Variants in ITIH6 observed in about 807,000 individuals in gnomAD.
ITIH6 encodes inter-alpha-trypsin inhibitor heavy chain family member 6.
ITIH6 carries 60 observed loss-of-function variants against 58.2 expected under a neutral mutation model. That is an observed-to-expected ratio of 1.03 (90% CI 0.84 to 1.28). ITIH6 has a LOEUF of 1.28. Among genes scored for constraint, ITIH6 ranks in the 50% most tolerant of loss-of-function variants. The pLI is 0.00. For synonymous variants in ITIH6, 493 were observed against 417.4 expected, an observed-to-expected ratio of 1.18 and a Z score of -2.21; for missense variants, 1,290 against 1,021.1, an observed-to-expected ratio of 1.26 and a Z score of -3.59.
chrX:54,796,828 G>A (rs1929451285), intron 2 of ITIH6, 114 bp downstream of exon 2: 12 of 748,914 alleles, frequency 1.6e-5, no homozygotes, highest in Non-Finnish European at 2.3e-5. Context: ...GACTCAAGAA[G>A]TCTGATCTCA....
chrX:54,753,665 T>A lies in ITIH6; in HGVS notation c.3338A>T (p.Glu1113Val). Reference sequence around the variant, plus strand: ...GGGGCTCTTACCTGCCTTTGGGTCCTCTATGAGCTGCAGCAAGTCCCCAGG... The same window carrying A: ...GGGGCTCTTACCTGCCTTTGGGTCCACTATGAGCTGCAGCAAGTCCCCAGG... ...GHPGDLLQLI[E>V]DPKAGLHVSG... The change falls in exon 11 of 13, where the codon GAG becomes GTG. Residue 1113 changes from glutamate to valine, a missense_variant. By Grantham distance (121) the Glu-to-Val change is moderately radical (BLOSUM62 -2). Transcript: ENST00000218436. 8.3e-7 allele frequency: 1 copy of A among 1,207,953 alleles called. No homozygotes were observed. Among genetic ancestry groups the A allele is most frequent in the Non-Finnish European group, 1.1e-6 (1 of 892,121 alleles).
chrX:54,772,765 T>C (rs1928977832), intron 6 of ITIH6, among the ~76,000 whole-genome samples: 1 of 112,045 alleles, frequency 8.9e-6, no homozygotes, highest in Non-Finnish European at 1.9e-5. Context: ...GTTTTAGTTG[T>C]CAGAGGCTAA....
chrX:54,774,920 G>T (rs1396321203), intron 5 of ITIH6, among the ~76,000 whole-genome samples: 2 of 111,758 alleles, frequency 1.8e-5, no homozygotes, highest in Non-Finnish European at 3.8e-5. Context: ...GGATGTCTGT[G>T]CTGGCTGAGG....
rs1928566671 is a variant in ITIH6, at chrX:54,758,669, TCTC to T, written c.1402_1404del (p.Glu468del). ...ACATCTGCCAGCAGAGGCATGGAGA[TCTC>T]CTCATAGAGGCCCTTCAGCTGTAGG... is the stretch of plus-strand genomic sequence containing the variant. On this transcript the variant is annotated inframe_deletion, in exon 8 of 13. Transcript: ENST00000218436. 2 of 1,209,167 alleles carry T rather than the reference TCTC, an allele frequency of 1.7e-6. No homozygotes were observed. The highest frequency in any genetic ancestry group is 4.4e-5 in the Admixed American group (2 of 45,746).
At chrX:54,781,782 T>C (rs1244215569) in intron 5 of ITIH6, among the ~76,000 whole-genome samples, 1 of 112,434 alleles carries the variant, frequency 8.9e-6, no homozygotes, top group Non-Finnish European at 1.9e-5. Context: ...CACATGCACA[T>C]GTATGTCCAT....
chrX:54,753,791 A>G, intron 10 of ITIH6, 27 bp from the exon 11 acceptor site: 1 of 1,149,272 alleles, frequency 8.7e-7, no homozygotes, highest in Non-Finnish European at 1.2e-6. Flanking sequence ...ACAACTCTAA[A>G]GTTAAAGGAA....
At chrX:54,754,580 C>G (rs1260712205) in intron 9 of ITIH6, among the ~76,000 whole-genome samples, 1 of 111,383 alleles carries the variant, frequency 9.0e-6, no homozygotes, top group Non-Finnish European at 1.9e-5. Context: ...GGAGGGGGAC[C>G]ACATGGCAAG....
intron 5 of ITIH6, among the ~76,000 whole-genome samples, chrX:54,785,070 A>G (rs1013325229): frequency 1.8e-5 from 2 of 111,429 alleles, no homozygotes; most frequent in Non-Finnish European, 3.8e-5. Flanking sequence ...GGAGATCATT[A>G]TGTGACTTGA....
intron 5 of ITIH6, among the ~76,000 whole-genome samples, chrX:54,783,584 A>G (rs12859585): frequency 0.3 from 32,872 of 110,989 alleles, 3,874 homozygotes; most frequent in East Asian, 0.52. Flanking sequence ...AACCCTATTT[A>G]TAATAGCCAC....
chrX:54,760,374 T>C (rs1055451671), intron 6 of ITIH6, among the ~76,000 whole-genome samples: 1 of 111,051 alleles, frequency 9.0e-6, no homozygotes, highest in Non-Finnish European at 1.9e-5. Flanking sequence ...AGAATTCATT[T>C]GCTATATGGT....
At chrX:54,756,889 T>C in intron 8 of ITIH6, 76 bp downstream of exon 8, 1 of 634,533 alleles carries the variant, frequency 1.6e-6, no homozygotes, top group Non-Finnish European at 2.3e-6. Flanking sequence ...TGCATAAGCC[T>C]TGTAGATTCC....
rs1466948362 is a variant in ITIH6 at position 54,751,041 on chromosome X, T to C, written c.3692A>G (p.Asn1231Ser). 6 of 1,182,608 alleles carry C rather than the reference T, an allele frequency of 5.1e-6. No individual in the cohort carries two copies. The African/African-American group carries it at 7.0e-5, about 14-fold the overall frequency. ...GGCTGAGGGGCTGAGGCCTGAGCCATTGGCCACGTAGAACCCCAGGTGGGG... is the reference window on the plus strand; with the variant it reads ...GGCTGAGGGGCTGAGGCCTGAGCCACTGGCCACGTAGAACCCCAGGTGGGG... ...QLPHLGFYVA[N>S]GSGLSPSARG... is the part of the protein sequence containing the mutation. The change falls in exon 12 of 13, where the codon AAT becomes AGT. Residue 1231 changes from asparagine (N) to serine (S), a missense_variant. By Grantham distance (46) the Asn-to-Ser change is conservative. Coordinates refer to ENST00000218436, the MANE Select transcript of ITIH6 (RefSeq NM_198510.3).
rs368934269 is a variant in ITIH6 at position 54,751,127 on chromosome X, C to T, written c.3606G>A (p.Gly1202=). The T allele has an allele frequency of 4.1e-6, 5 of 1,209,054 alleles. No homozygotes were observed. The highest frequency in any genetic ancestry group is 4.5e-6 in the Non-Finnish European group (4 of 894,212). Residue 1202 remains glycine (G), a synonymous_variant, in exon 12 of 13, where the codon GGG becomes GGA. Coordinates refer to ENST00000218436, the MANE Select transcript of ITIH6 (RefSeq NM_198510.3). ...GGAGGACTAGGAACTCAAGGTAGGG[C>T]CCAAGGCGGAGGGTAAGGCGGGCTG... ...AAAARLTLRL[G]PYLEFLVLRH... is the part of the protein sequence containing the mutation.
At chrX:54,784,901 T>C (rs1352912788) in intron 5 of ITIH6, among the ~76,000 whole-genome samples, 2 of 112,079 alleles carry the variant, frequency 1.8e-5, no homozygotes, top group East Asian at 5.6e-4. Context: ...CCCTTCTTTT[T>C]CTTACAGTGC....
chrX:54,795,277 TATTC>T (rs897758770), intron 2 of ITIH6, among the ~76,000 whole-genome samples: 12 of 112,452 alleles, frequency 1.1e-4, no homozygotes, highest in African/African-American at 3.9e-4. Context: ...GGAAAAATAA[TATTC>T]ATACTCTATT....
At chrX:54,756,828 G>C in intron 8 of ITIH6, 137 bp downstream of exon 8, 1 of 422,655 alleles carries the variant, frequency 2.4e-6, no homozygotes. Flanking sequence ...AAGCAAGCAA[G>C]CAAGCAAGCA....
intron 5 of ITIH6, among the ~76,000 whole-genome samples, chrX:54,781,625 C>A (rs1260606661): frequency 5.3e-5 from 6 of 112,659 alleles, no homozygotes; most frequent in Non-Finnish European, 1.1e-4. Flanking sequence ...TGCTTAAACA[C>A]TGTTGGTGAG....
At chrX:54,782,506 C>T (rs954264646) in intron 5 of ITIH6, among the ~76,000 whole-genome samples, 3 of 111,516 alleles carry the variant, frequency 2.7e-5, no homozygotes, top group African/African-American at 9.8e-5. Flanking sequence ...GTAAAACAAA[C>T]CCCCATGACC....
rs187829142 is a variant in ITIH6, at chrX:54,755,368, G to C, written c.3110-259C>G. ...GCATTGCTTAGGTATTAGGTATATG[G>C]TGGTGAAAAATAAAGACATAGTTTC... On this transcript the variant is annotated intron_variant, in intron 8 of 12. Transcript: ENST00000218436. Among the ~76,000 whole-genome samples the C allele has an allele frequency of 3.3e-3, 375 of 112,469 alleles. 2 individuals are homozygous for C. Among genetic ancestry groups the C allele is most frequent in the African/African-American group, 0.012 (370 of 30,989 alleles).
Sources: allele counts gnomAD v4.1 joint callset (sites outside exome capture counted in the v4.1 genomes callset), GRCh38; gene constraint gnomAD v4.1.1; transcripts MANE v1.5; gene names NCBI Gene and HGNC (gene_info 2026-07-23, HGNC 2026-07-21).